The following IL17RC variants were observed in gnomAD, a reference collection of about 807,000 sequenced individuals.
IL17RC encodes the protein interleukin 17 receptor C, also known as interleukin-17 receptor C.
A neutral mutation model predicts 86.7 loss-of-function variants in IL17RC; 53 were observed. The ratio of observed to expected loss-of-function variants is 0.61; its 90% confidence interval spans 0.49 to 0.77. IL17RC has a LOEUF of 0.77. IL17RC is among the 30% of genes least tolerant of loss of function. The pLI is 0.00. For synonymous variants in IL17RC, 439 were observed against 413.1 expected (o/e 1.06, Z -0.76); for missense variants, 957 against 940.0 (o/e 1.02, Z -0.24).
intron 3 of IL17RC, 80 bp from the exon 4 acceptor site, chr3:9,918,255 T>C: frequency 1.4e-6 from 2 of 1,405,884 alleles, no homozygotes; most frequent in East Asian, 2.5e-5. Context: ...CACTGGGCTT[T>C]CCAGAAGGAA....
At chr3:9,923,747 T>G (rs1002182584) in intron 7 of IL17RC, 134 bp from the exon 8 acceptor site, 7 of 978,932 alleles carry the variant, frequency 7.2e-6, no homozygotes, top group Non-Finnish European at 1.1e-5. Flanking sequence ...AAGTCTGGTC[T>G]GAAATGATGA....
In IL17RC at chr3:9,928,288, G is replaced by A; in HGVS notation, c.878-17G>A. On this transcript the variant is annotated splice_polypyrimidine_tract_variant and intron_variant, in intron 10 of 18. Transcript: ENST00000403601. The stretch of plus-strand genomic sequence containing the variant: ...GATGGGTACCTGGCCTGCGGTGACT[G>A]TGCCCTTTCCTTGCAGACCCCCGCG... The A allele has an allele frequency of 3.1e-6, 5 of 1,611,572 alleles. No homozygotes were observed. The highest frequency in any genetic ancestry group is 2.2e-5 in the South Asian group (2 of 90,914).
chr3:9,932,831 C>T lies in IL17RC; in HGVS notation c.1495C>T (p.Leu499Phe), dbSNP rs2084892835. 2 of 1,561,180 alleles carry T rather than the reference C, an allele frequency of 1.3e-6. No homozygotes were observed. The highest frequency in any genetic ancestry group is 8.6e-7 in the Non-Finnish European group (1 of 1,158,218). ...CTCTCCCCTAACAGGGTGGCTGAGG[C>T]TCTTGAAACAGGACGTCCGCTCGGG... ...KKDHAKGWLR[L>F]LKQDVRSGAA... The change falls in exon 18 of 19, where the codon CTC becomes TTC. Residue 499 changes from leucine (L) to phenylalanine (F), a missense_variant. Physicochemically the swap from Leu to Phe is conservative, Grantham distance 22. Transcript: ENST00000403601.
intron 6 of IL17RC, 82 bp from the exon 7 acceptor site, chr3:9,920,843 T>A (rs2083477716): frequency 9.1e-7 from 1 of 1,096,876 alleles, no homozygotes; most frequent in South Asian, 1.5e-5. Flanking sequence ...CCATTCCTAA[T>A]GCCCCCCTGG....
rs757657932 is a variant in IL17RC at position 9,928,497 on chromosome 3, C to G, written c.1059+11C>G. The G allele has an allele frequency of 6.2e-7, 1 of 1,612,866 alleles. No homozygotes were observed. The highest frequency in any genetic ancestry group is 1.1e-5 in the South Asian group (1 of 91,060). ...AACGTCACTGTGGACGTAAGTGAAGCAGAGGGCACCTCCCGTGGTGAGGGG... is the reference window on the plus strand; with the variant it reads ...AACGTCACTGTGGACGTAAGTGAAGGAGAGGGCACCTCCCGTGGTGAGGGG... On this transcript the variant is annotated intron_variant, in intron 11 of 18. Transcript: ENST00000403601.
intron 5 of IL17RC, among the ~76,000 whole-genome samples, chr3:9,919,943 A>G (rs943000481): frequency 6.6e-6 from 1 of 152,078 alleles, no homozygotes; most frequent in South Asian, 2.1e-4. Context: ...ACCATGGTGC[A>G]GGGTGTTGGG....
At chr3:9,924,910 T>A (rs2083913683) in intron 9 of IL17RC, among the ~76,000 whole-genome samples, 2 of 152,010 alleles carry the variant, frequency 1.3e-5, no homozygotes, top group Admixed American at 1.3e-4. Flanking sequence ...CAAGTGATCC[T>A]CCTGTCTCAG....
At chr3:9,921,826 C>T (rs1466127118) in intron 7 of IL17RC, among the ~76,000 whole-genome samples, 7 of 150,870 alleles carry the variant, frequency 4.6e-5, no homozygotes, top group African/African-American at 7.3e-5. Context: ...AGGGTTTCAC[C>T]GTGTTAGCCA....
At position 9,930,473 on chromosome 3, in the gene IL17RC, A is replaced by T. The variant is rs760560130; in HGVS notation, c.1338+14A>T. On this transcript the variant is annotated intron_variant, in intron 15 of 18. Coordinates refer to ENST00000403601, the MANE Select transcript of IL17RC (RefSeq NM_153460.4). This position sits in a 1 kb window ranked among gnomAD's most constrained non-coding sequence, Gnocchi z 5.8. ...CAGTGTCTGCAGGTGAGCTGGTGGAAGAAGGGCCCCACCTCAATGCCTAGG... is the reference window on the plus strand; with the variant it reads ...CAGTGTCTGCAGGTGAGCTGGTGGATGAAGGGCCCCACCTCAATGCCTAGG... 6.2e-7 allele frequency: 1 copy of T among 1,613,480 alleles called. No individual in the cohort carries two copies. The highest frequency in any genetic ancestry group is 1.1e-5 in the South Asian group (1 of 91,056).
rs2084558430 is a variant in IL17RC, at chr3:9,930,562, G to A, written c.1338+103G>A. 1.7e-6 allele frequency: 2 copies of A among 1,205,570 alleles called. No homozygotes were observed. Among genetic ancestry groups the A allele is most frequent in the South Asian group, 1.3e-5 (1 of 74,182 alleles). The allele number at this position is 1,205,570 out of a possible 1,614,324, so 74.7% of individuals were successfully genotyped here. A position where few individuals can be genotyped will look rare whatever the true frequency, so the allele number is the denominator to read the frequency against. On this transcript the variant is annotated intron_variant, in intron 15 of 18. Transcript: ENST00000403601. This position sits in a 1 kb window ranked among gnomAD's most constrained non-coding sequence, Gnocchi z 5.8. ...TTAGGCTTATTTTATGTTCAGCCCT[G>A]GGAAAGTTAAGAGTAGAAGAAGCAC...
intron 2 of IL17RC, 30 bp downstream of exon 2, chr3:9,917,764 C>T: frequency 1.2e-6 from 2 of 1,613,452 alleles, no homozygotes; most frequent in Non-Finnish European, 1.7e-6. Flanking sequence ...AAAAGAATTT[C>T]CCAGGTTGGC....
At chr3:9,931,974 G>A (rs1264132882) in intron 16 of IL17RC, among the ~76,000 whole-genome samples, 1 of 151,854 alleles carries the variant, frequency 6.6e-6, no homozygotes, top group African/African-American at 2.4e-5. Flanking sequence ...GAGAAAAACA[G>A]CTGACATTTT....
At position 9,928,709 on chromosome 3, in the gene IL17RC, G is replaced by A. The variant is rs549268394; in HGVS notation, c.1110+79G>A. 943 of 1,456,086 alleles carry A rather than the reference G, an allele frequency of 6.5e-4. 3 individuals are homozygous for A. The highest frequency in any genetic ancestry group is 1.3e-3 in the East Asian group (59 of 44,114). 90.2% of individuals were successfully genotyped at this position (1,456,086 alleles called of 1,614,324 possible). On this transcript the variant is annotated intron_variant, in intron 12 of 18. Transcript: ENST00000403601. ...CAGCCAAGGGGGTCTTAGTTCTTGG[G>A]CCGCTAAAGCATAGTGGTTGCCAGC... is the stretch of plus-strand genomic sequence containing the variant.
chr3:9,923,256 C>A (rs1221847857), intron 7 of IL17RC, among the ~76,000 whole-genome samples: 1 of 146,356 alleles, frequency 6.8e-6, no homozygotes, highest in Non-Finnish European at 1.5e-5. Flanking sequence ...TTATTAAGGA[C>A]ACAAATGCCA....
chr3:9,929,040 C>T (rs143836582), intron 12 of IL17RC: 16 of 170,338 alleles, frequency 9.4e-5, no homozygotes, highest in Middle Eastern at 2.8e-3. Context: ...TCCGGCCAGG[C>T]GCGGTGGCTC....
intron 1 of IL17RC, 84 bp from the exon 2 acceptor site, chr3:9,917,627 GAA>G (rs1354094573): frequency 6.2e-7 from 1 of 1,613,950 alleles, no homozygotes; most frequent in African/African-American, 1.3e-5. Flanking sequence ...CGGAGCCCCA[GAA>G]AAAGGTAGGT....
At chr3:9,917,601 G>A (rs1357376466) in intron 1 of IL17RC, 112 bp from the exon 2 acceptor site, 3 of 1,614,144 alleles carry the variant, frequency 1.9e-6, no homozygotes, top group African/African-American at 2.7e-5. Context: ...TCTTTCTCTG[G>A]GAGGGTCTGG....
intron 5 of IL17RC, 80 bp from the exon 6 acceptor site, chr3:9,920,411 G>A (rs766692095): frequency 8.8e-5 from 70 of 794,448 alleles, no homozygotes; most frequent in Non-Finnish European, 1.4e-4. Context: ...GAGCAGAGTG[G>A]TCCCTGCAGA....
intron 7 of IL17RC, among the ~76,000 whole-genome samples, chr3:9,923,325 G>T (rs1000063799): frequency 1.3e-4 from 20 of 151,932 alleles, no homozygotes; most frequent in African/African-American, 4.8e-4. Flanking sequence ...GCTGAGGCAG[G>T]AGGATTGCTT....
Sources: allele counts gnomAD v4.1 joint callset (sites outside exome capture counted in the v4.1 genomes callset), GRCh38; gene constraint gnomAD v4.1.1; non-coding constraint Gnocchi (gnomAD v3.1); transcripts MANE v1.5; gene names NCBI Gene and HGNC (gene_info 2026-07-23, HGNC 2026-07-21).